The following ABLIM1 variants were observed in gnomAD, a reference collection of about 807,000 sequenced individuals.
ABLIM1 encodes the protein actin-binding LIM protein 1.
In ABLIM1, 40 loss-of-function variants were observed where a neutral mutation model predicts 107.0. The observed-to-expected ratio is 0.37, with a 90% CI of 0.29 to 0.49. ABLIM1 has a LOEUF of 0.49. ABLIM1 is among the 20% of genes least tolerant of loss of function. The pLI, the probability that ABLIM1 is intolerant of heterozygous loss-of-function variation, is 0.97. For missense variants in ABLIM1, 857 were observed against 1,008.5 expected (o/e 0.85, Z 2.04); for synonymous variants, 357 against 357.3 (o/e 1.00, Z 0.01).
At chr10:114,652,868 G>A (rs1242414670) in intron 1 of ABLIM1, among the ~76,000 whole-genome samples, 1 of 152,198 alleles carries the variant, frequency 6.6e-6, no homozygotes, top group East Asian at 1.9e-4. Context: ...ATTCCATACA[G>A]ACAGCTTGTA....
At chr10:114,632,672 C>A (rs1044462609) in intron 1 of ABLIM1, 1 of 985,354 alleles carries the variant, frequency 1.0e-6, no homozygotes, top group Non-Finnish European at 1.2e-6. Flanking sequence ...TATTCCTTAT[C>A]CAGGATCCAA....
rs780823158 is a variant in ABLIM1, at chr10:114,575,606, A to G, written c.380-7T>C. On this transcript the variant is annotated splice_region_variant and splice_polypyrimidine_tract_variant and intron_variant, in intron 2 of 22. Transcript: ENST00000533213. Reference sequence around the variant, plus strand: ...GCCAGGTCACAGCCACACACTGTAGAGAGACAAGTTCACATCTGGTCATTA... The same window carrying G: ...GCCAGGTCACAGCCACACACTGTAGGGAGACAAGTTCACATCTGGTCATTA... The G allele has an allele frequency of 6.2e-7, 1 of 1,611,938 alleles. No homozygotes were observed. Among genetic ancestry groups the G allele is most frequent in the Admixed American group, 1.7e-5 (1 of 59,888 alleles).
intron 1 of ABLIM1, among the ~76,000 whole-genome samples, chr10:114,715,142 T>G (rs72831081): frequency 2.6e-5 from 4 of 152,342 alleles, no homozygotes; most frequent in African/African-American, 9.6e-5. Context: ...CTAACTTTCA[T>G]GTAAGTACAG....
chr10:114,733,662 T>C (rs1247183730), intron 1 of ABLIM1, among the ~76,000 whole-genome samples: 4 of 152,156 alleles, frequency 2.6e-5, no homozygotes, highest in African/African-American at 4.8e-5. Flanking sequence ...AGATTCAGTA[T>C]TCTTATAATT....
chr10:114,604,244 C>A (rs913576269), intron 1 of ABLIM1, among the ~76,000 whole-genome samples: 1 of 152,222 alleles, frequency 6.6e-6, no homozygotes, highest in Non-Finnish European at 1.5e-5. Context: ...GAAAGATCCA[C>A]GCCCAGGCCT....
At chr10:114,770,901 G>A (rs945359401), upstream of ABLIM1, among the ~76,000 whole-genome samples, 1 of 152,128 alleles carries the variant, frequency 6.6e-6, no homozygotes, top group Admixed American at 6.5e-5. Context: ...ACACCTCTTG[G>A]CTTACTGCAA....
At chr10:114,568,901 C>G (rs1343223537) in intron 4 of ABLIM1, among the ~76,000 whole-genome samples, 1 of 151,914 alleles carries the variant, frequency 6.6e-6, no homozygotes, top group East Asian at 1.9e-4. Flanking sequence ...CATATAAAAA[C>G]AAAATATAGA....
chr10:114,551,568 C>G (rs1415548446), intron 4 of ABLIM1, among the ~76,000 whole-genome samples: 1 of 152,234 alleles, frequency 6.6e-6, no homozygotes, highest in Non-Finnish European at 1.5e-5. Context: ...CAATCAGAGG[C>G]TGAAGTGGAA....
At chr10:114,635,320 T>G (rs2078422895) in intron 1 of ABLIM1, among the ~76,000 whole-genome samples, 1 of 152,222 alleles carries the variant, frequency 6.6e-6, no homozygotes, top group Non-Finnish European at 1.5e-5. Context: ...CGTACATCAT[T>G]TCAGTAGCGA....
At chr10:114,528,872 A>G (rs2065150996) in intron 6 of ABLIM1, among the ~76,000 whole-genome samples, 2 of 152,310 alleles carry the variant, frequency 1.3e-5, no homozygotes, top group Middle Eastern at 6.8e-3. Context: ...TATGCAGGTG[A>G]TTGTTAGGCA....
chr10:114,522,436 G>C (rs985044934), intron 6 of ABLIM1, among the ~76,000 whole-genome samples: 2 of 152,158 alleles, frequency 1.3e-5, no homozygotes, highest in African/African-American at 4.8e-5. Context: ...CTTAAACTCT[G>C]TTAGAGGATG....
intron 1 of ABLIM1, chr10:114,613,664 T>C: frequency 7.5e-7 from 1 of 1,324,940 alleles, no homozygotes; most frequent in South Asian, 1.2e-5. Flanking sequence ...CACCTGGGTC[T>C]CTCCAGTGTC....
At chr10:114,654,093 A>G (rs775572101) in intron 1 of ABLIM1, among the ~76,000 whole-genome samples, 1 of 152,092 alleles carries the variant, frequency 6.6e-6, no homozygotes, top group Non-Finnish European at 1.5e-5. Context: ...GCTCCTGAAC[A>G]CTCTGGGGCT....
intron 1 of ABLIM1, among the ~76,000 whole-genome samples, chr10:114,753,975 C>T (rs2082574793): frequency 6.6e-6 from 1 of 152,124 alleles, no homozygotes; most frequent in African/African-American, 2.4e-5. Flanking sequence ...CCTCAGCCTC[C>T]CAAGTAGCTG....
chr10:114,480,397 A>C (rs1260308845), intron 8 of ABLIM1, among the ~76,000 whole-genome samples: 1 of 152,232 alleles, frequency 6.6e-6, no homozygotes, highest in African/African-American at 2.4e-5. Flanking sequence ...CTACAGAATA[A>C]AGGAAACAGC....
At chr10:114,546,730 T>C (rs2137599237) in intron 5 of ABLIM1, among the ~76,000 whole-genome samples, 1 of 152,366 alleles carries the variant, frequency 6.6e-6, no homozygotes, top group South Asian at 2.1e-4. Context: ...ATTAATATTT[T>C]CGAATAGGTG....
chr10:114,674,271 C>T (rs2080382935), intron 1 of ABLIM1, among the ~76,000 whole-genome samples: 1 of 127,878 alleles, frequency 7.8e-6, no homozygotes, highest in Non-Finnish European at 1.6e-5. Context: ...GCCTGGGCCA[C>T]AGAGCGAGAC....
chr10:114,766,274 A>G (rs539735592), intron 1 of ABLIM1, among the ~76,000 whole-genome samples: 1 of 152,218 alleles, frequency 6.6e-6, no homozygotes, highest in Admixed American at 6.5e-5. Flanking sequence ...ATTATTATAG[A>G]TATTTTTCCC....
At chr10:114,617,558 G>A (rs1441543166) in intron 1 of ABLIM1, among the ~76,000 whole-genome samples, 2 of 152,014 alleles carry the variant, frequency 1.3e-5, no homozygotes, top group African/African-American at 4.8e-5. Context: ...ATGAGCCACT[G>A]TGCCCAGCTT....
Sources: allele counts gnomAD v4.1 joint callset (sites outside exome capture counted in the v4.1 genomes callset), GRCh38; gene constraint gnomAD v4.1.1; transcripts MANE v1.5; gene names NCBI Gene and HGNC (gene_info 2026-07-23, HGNC 2026-07-21).